The following CTNNA3 variants were observed in gnomAD, a reference collection of about 807,000 sequenced individuals.
CTNNA3 encodes the protein catenin alpha-3.
A neutral mutation model predicts 95.7 loss-of-function variants in CTNNA3; 76 were observed. That is an observed-to-expected ratio of 0.79 (90% confidence interval 0.66 to 0.96). The LOEUF is 0.96. Ranked by LOEUF, CTNNA3 falls within the 40% of genes least tolerant of loss-of-function variation. The probability of loss-of-function intolerance (pLI) is 0.00; values close to 1 mark genes in which losing one functional copy is unlikely to be tolerated. For synonymous variants in CTNNA3, 431 were observed against 374.4 expected (o/e 1.15, Z -1.74); for missense variants, 1,191 against 1,089.8 (o/e 1.09, Z -1.31).
At chr10:66,956,621 C>T (rs1848806061) in intron 7 of CTNNA3, among the ~76,000 whole-genome samples, 1 of 152,196 alleles carries the variant, frequency 6.6e-6, no homozygotes. Flanking sequence ...AGGCATAATG[C>T]TGTCATTTCA....
intron 7 of CTNNA3, among the ~76,000 whole-genome samples, chr10:66,845,702 T>TCAAAAAAAAAAAAAA: frequency 2.9e-3 from 4 of 1,362 alleles, no homozygotes; most frequent in African/African-American, 9.5e-3. Context: ...AAACTCTGTC[T>TCAAAAAAAAAAAAAA]CAAAAAAAAA....
intron 7 of CTNNA3, among the ~76,000 whole-genome samples, chr10:67,124,137 C>G (rs1239229292): frequency 6.6e-6 from 1 of 152,094 alleles, no homozygotes; most frequent in Non-Finnish European, 1.5e-5. Flanking sequence ...AAAATCATTG[C>G]TCCAAAAATA....
intron 7 of CTNNA3, among the ~76,000 whole-genome samples, chr10:67,042,675 G>A (rs916115756): frequency 2.6e-4 from 39 of 151,970 alleles, no homozygotes; most frequent in African/African-American, 9.4e-4. Flanking sequence ...AAAGGTAAGA[G>A]TGGGGAAACT....
chr10:67,260,746 T>C (rs988395785), intron 5 of CTNNA3, among the ~76,000 whole-genome samples: 4 of 151,974 alleles, frequency 2.6e-5, no homozygotes, highest in East Asian at 1.9e-4. Context: ...GTGCAGTGGC[T>C]CAATCTCGGC....
chr10:67,491,710 C>T (rs1486180216), intron 5 of CTNNA3, among the ~76,000 whole-genome samples: 3 of 152,040 alleles, frequency 2.0e-5, no homozygotes, highest in South Asian at 2.1e-4. Flanking sequence ...AGAACCAGAA[C>T]CATTGAAGGA....
chr10:67,226,371 G>C (rs190808476), intron 5 of CTNNA3, among the ~76,000 whole-genome samples: 1 of 152,200 alleles, frequency 6.6e-6, no homozygotes, highest in African/African-American at 2.4e-5. Flanking sequence ...GAAACACAAA[G>C]AACACCTGGA....
intron 17 of CTNNA3, among the ~76,000 whole-genome samples, chr10:65,935,005 GTGTGTCCATA>G (rs1294088569): frequency 6.6e-6 from 1 of 152,110 alleles, no homozygotes; most frequent in Non-Finnish European, 1.5e-5. Context: ...GCAGTGCCCA[GTGTGTCCATA>G]TGACTGTCCC....
chr10:66,543,766 T>G (rs924105325), intron 10 of CTNNA3, among the ~76,000 whole-genome samples: 2 of 151,534 alleles, frequency 1.3e-5, no homozygotes, highest in African/African-American at 4.8e-5. Flanking sequence ...TGTGAATAGC[T>G]TGTAACAACA....
At chr10:67,181,867 TC>T (rs1862565910) in intron 6 of CTNNA3, among the ~76,000 whole-genome samples, 1 of 152,084 alleles carries the variant, frequency 6.6e-6, no homozygotes, top group Admixed American at 6.6e-5. Context: ...TGTGTAATGT[TC>T]CCTTACTATA....
In CTNNA3 at chr10:67,098,049, T is replaced by C. The variant is rs1328444337; in HGVS notation, c.1047+82268A>G. 6.7e-6 allele frequency: 3 copies of C among 450,748 alleles called. No individual in the cohort carries two copies. The East Asian group carries it at 1.2e-4, about 18-fold the overall frequency. 27.9% of individuals were successfully genotyped at this position (450,748 alleles called of 1,614,324 possible). ...TATGACCCTGAAAAATAAAAGAATC[T>C]TTTTTTTTCAAAACTCATCCTACCT... On this transcript the variant is annotated intron_variant, in intron 7 of 17. Coordinates refer to ENST00000433211, the MANE Select transcript of CTNNA3 (RefSeq NM_013266.4).
rs191147954 is a variant in CTNNA3 at position 66,433,033 on chromosome 10, T to G, written c.1532-53681A>C. Among the ~76,000 whole-genome samples, 747 of 152,334 alleles carry G rather than the reference T, an allele frequency of 4.9e-3. 6 individuals are homozygous for G. Among genetic ancestry groups the G allele is most frequent in the African/African-American group, 0.012 (497 of 41,574 alleles). ...ATGGTGTATATGTGCCACATTTTCT[T>G]GAGCCAGTCTATCATTGATGGGCAT... On this transcript the variant is annotated intron_variant, in intron 11 of 17. Transcript: ENST00000433211.
chr10:67,109,961 T>C (rs748626184), intron 7 of CTNNA3, among the ~76,000 whole-genome samples: 1 of 152,248 alleles, frequency 6.6e-6, no homozygotes, highest in Non-Finnish European at 1.5e-5. Flanking sequence ...GAGGGAATTG[T>C]GCCTAATATT....
intron 7 of CTNNA3, among the ~76,000 whole-genome samples, chr10:66,777,053 G>GGCACAGCTT (rs1840330275): frequency 6.6e-6 from 1 of 152,110 alleles, no homozygotes; most frequent in South Asian, 2.1e-4. Context: ...TAGCTCTCAA[G>GGCACAGCTT]GCACAGCTAA....
chr10:66,405,080 G>A (rs1343268788), intron 11 of CTNNA3, among the ~76,000 whole-genome samples: 1 of 152,160 alleles, frequency 6.6e-6, no homozygotes, highest in African/African-American at 2.4e-5. Context: ...TCTAAAGGAT[G>A]CTGTTTCAAT....
chr10:66,443,250 A>G (rs994753595), intron 11 of CTNNA3, among the ~76,000 whole-genome samples: 6 of 151,896 alleles, frequency 4.0e-5, no homozygotes, highest in Non-Finnish European at 8.8e-5. Context: ...GACAAACAAA[A>G]AGACAGCAGT....
intron 13 of CTNNA3, among the ~76,000 whole-genome samples, chr10:66,135,555 A>C (rs1007249465): frequency 1.7e-4 from 26 of 152,188 alleles, no homozygotes; most frequent in Non-Finnish European, 5.9e-5. Context: ...AAATAAAATC[A>C]CTATTTTGCT....
chr10:67,201,192 A>G (rs574258271), intron 6 of CTNNA3, among the ~76,000 whole-genome samples: 1 of 152,366 alleles, frequency 6.6e-6, no homozygotes, highest in East Asian at 1.9e-4. Flanking sequence ...TATGCCTGTT[A>G]GAGACAGCAT....
intron 11 of CTNNA3, among the ~76,000 whole-genome samples, chr10:66,456,761 C>A (rs956208990): frequency 3.9e-5 from 6 of 152,054 alleles, no homozygotes; most frequent in Admixed American, 2.0e-4. Context: ...ACTCAAAAAA[C>A]ATTATGATGT....
chr10:67,032,553 TTA>T (rs1416081009), intron 7 of CTNNA3, among the ~76,000 whole-genome samples: 1 of 152,176 alleles, frequency 6.6e-6, no homozygotes, highest in Non-Finnish European at 1.5e-5. Context: ...CAGATTTCTT[TTA>T]TGTTTGCCTC....
Sources: allele counts gnomAD v4.1 joint callset (sites outside exome capture counted in the v4.1 genomes callset), GRCh38; gene constraint gnomAD v4.1.1; transcripts MANE v1.5; gene names NCBI Gene and HGNC (gene_info 2026-07-23, HGNC 2026-07-21).